The following GTF3C1 variants were observed in gnomAD, a reference collection of about 807,000 sequenced individuals.
GTF3C1 encodes the protein general transcription factor 3C polypeptide 1.
A neutral mutation model predicts 226.7 loss-of-function variants in GTF3C1; 57 were observed. The observed-to-expected ratio is 0.25, with a 90% CI of 0.20 to 0.31. GTF3C1 has a LOEUF of 0.31. Ranked by LOEUF, GTF3C1 falls within the 10% of genes least tolerant of loss-of-function variation. The pLI is 1.00. For synonymous variants in GTF3C1, 1,090 were observed against 1,084.8 expected, an observed-to-expected ratio of 1.00 and a Z score of -0.09; for missense variants, 2,217 against 2,776.1, an observed-to-expected ratio of 0.80 and a Z score of 4.53.
intron 29 of GTF3C1, among the ~76,000 whole-genome samples, chr16:27,474,925 C>T (rs2087929907): frequency 6.6e-6 from 1 of 152,254 alleles, no homozygotes; most frequent in African/African-American, 2.4e-5. Context: ...AGAGAACCTC[C>T]AGGTGGTGAT....
At position 27,483,144 on chromosome 16, in the gene GTF3C1, A is replaced by G. The variant is rs1437161068; in HGVS notation, c.4002-19T>C. ...GCACACTCTGCAGGAAGAGGAGACA[A>G]AGCTGAAGTCTGGGAATTGCAATGA... On this transcript the variant is annotated intron_variant, in intron 25 of 36. Coordinates refer to ENST00000356183, the MANE Select transcript of GTF3C1 (RefSeq NM_001520.4). 6.2e-7 allele frequency: 1 copy of G among 1,611,356 alleles called. No homozygotes were observed. The highest frequency in any genetic ancestry group is 1.1e-5 in the South Asian group (1 of 90,940).
At chr16:27,527,973 CAAAA>C (rs34471997) in intron 6 of GTF3C1, among the ~76,000 whole-genome samples, 2 of 127,556 alleles carry the variant, frequency 1.6e-5, no homozygotes. Flanking sequence ...GACCCTGTCT[CAAAA>C]AAAAAAAAAA....
intron 10 of GTF3C1, 128 bp downstream of exon 10, chr16:27,505,771 G>C (rs959642755): frequency 9.2e-5 from 60 of 650,376 alleles, no homozygotes; most frequent in African/African-American, 9.0e-4. Flanking sequence ...GGGAAGCACA[G>C]GCAGGCCTCG....
chr16:27,489,306 T>A, intron 20 of GTF3C1, 128 bp from the exon 21 acceptor site: 1 of 1,031,204 alleles, frequency 9.7e-7, no homozygotes, highest in Non-Finnish European at 1.4e-6. Context: ...ACCCCACAGG[T>A]AGCAATGAAG....
At chr16:27,476,357 G>C (rs907337730) in intron 29 of GTF3C1, 94 bp downstream of exon 29, 20 of 742,258 alleles carry the variant, frequency 2.7e-5, no homozygotes, top group Admixed American at 6.9e-5. Flanking sequence ...CAGCCCAAGA[G>C]CCCACAGCGG....
intron 29 of GTF3C1, among the ~76,000 whole-genome samples, chr16:27,474,358 C>T (rs1171538633): frequency 1.3e-5 from 2 of 152,098 alleles, no homozygotes; most frequent in Non-Finnish European, 2.9e-5. Context: ...AGGAAAAAGC[C>T]GTGGGAATAA....
Position 27,471,650 on chromosome 16 carries a change from C to T in GTF3C1, c.4526+98G>A, listed in dbSNP as rs1054005872. 11 of 967,770 alleles carry T rather than the reference C, an allele frequency of 1.1e-5. No homozygotes were observed. The highest frequency in any genetic ancestry group is 1.8e-5 in the Non-Finnish European group (11 of 622,776). 59.9% of individuals were successfully genotyped at this position (967,770 alleles called of 1,614,324 possible). On this transcript the variant is annotated intron_variant, in intron 30 of 36. Transcript: ENST00000356183. This position sits in a 1 kb window ranked among gnomAD's most constrained non-coding sequence, Gnocchi z 5.0. ...CATGAGGCTGCGAAGGTCCCTGGCT[C>T]CTACACGCTTTCATGGCCACAGTGC... is the stretch of plus-strand genomic sequence containing the variant.
Position 27,495,559 on chromosome 16 carries a change from A to G in GTF3C1, c.2351-67T>C. The G allele has an allele frequency of 6.2e-6, 9 of 1,442,890 alleles. No homozygotes were observed. In the South Asian group the frequency reaches 1.1e-4, roughly 18 times the overall value. 89.4% of individuals were successfully genotyped at this position (1,442,890 alleles called of 1,614,324 possible). On this transcript the variant is annotated intron_variant, in intron 14 of 36. Transcript: ENST00000356183. ...TACTGAATTCAGTTTTAATTCATTA[A>G]AAAATGATTGAGTGCCACTATGTGC...
intron 10 of GTF3C1, among the ~76,000 whole-genome samples, chr16:27,504,890 C>T (rs779058251): frequency 3.3e-5 from 5 of 152,152 alleles, no homozygotes; most frequent in East Asian, 1.9e-4. Flanking sequence ...GAGCTCGTAC[C>T]ACTGCACTCC....
At position 27,493,309 on chromosome 16, in the gene GTF3C1, T is replaced by C; in HGVS notation, c.2779-13A>G. ...CCAGGTTGTCCACCTGAAGAGGTGA[T>C]GTGCAGGTTCAGCTCGCCCTGAGGG... On this transcript the variant is annotated splice_polypyrimidine_tract_variant and intron_variant, in intron 16 of 36. Coordinates refer to ENST00000356183, the MANE Select transcript of GTF3C1 (RefSeq NM_001520.4). The C allele has an allele frequency of 2.1e-6, 3 of 1,436,850 alleles. No homozygotes were observed. The highest frequency in any genetic ancestry group is 1.1e-5 in the South Asian group (1 of 87,662). 89.0% of individuals were successfully genotyped at this position (1,436,850 alleles called of 1,614,324 possible).
At chr16:27,514,437 C>A (rs148041076) in intron 6 of GTF3C1, among the ~76,000 whole-genome samples, 173 of 152,218 alleles carry the variant, frequency 1.1e-3, no homozygotes, top group African/African-American at 4.0e-3. Flanking sequence ...GGCACTGGGA[C>A]AGGGTCACAG....
chr16:27,540,763 G>A (rs1302223257), intron 2 of GTF3C1, among the ~76,000 whole-genome samples: 1 of 152,196 alleles, frequency 6.6e-6, no homozygotes, highest in African/African-American at 2.4e-5. Flanking sequence ...TGTCATAGAT[G>A]AGGAGCCCTA....
intron 27 of GTF3C1, among the ~76,000 whole-genome samples, chr16:27,479,127 C>T (rs563250847): frequency 4.9e-4 from 75 of 152,128 alleles, no homozygotes; most frequent in Non-Finnish European, 3.1e-4. Context: ...GTATTGCCAA[C>T]AAAAGAAGTT....
intron 19 of GTF3C1, among the ~76,000 whole-genome samples, chr16:27,491,293 T>C (rs1948998289): frequency 6.6e-6 from 1 of 152,204 alleles, no homozygotes; most frequent in Admixed American, 6.5e-5. Flanking sequence ...TGAACGTGGC[T>C]TCCTTTCTCT....
At chr16:27,526,621 A>C (rs577161177) in intron 6 of GTF3C1, among the ~76,000 whole-genome samples, 2 of 152,228 alleles carry the variant, frequency 1.3e-5, no homozygotes, top group Non-Finnish European at 2.9e-5. Flanking sequence ...ATCGCCCTTC[A>C]CAGGCACTTA....
At chr16:27,505,504 G>A (rs919734294) in intron 10 of GTF3C1, among the ~76,000 whole-genome samples, 7 of 152,168 alleles carry the variant, frequency 4.6e-5, no homozygotes, top group South Asian at 2.1e-4. Context: ...CAGATATTGC[G>A]AAATGTCTCC....
At chr16:27,517,155 G>A (rs563593246) in intron 6 of GTF3C1, among the ~76,000 whole-genome samples, 3 of 152,336 alleles carry the variant, frequency 2.0e-5, no homozygotes, top group East Asian at 1.9e-4. Context: ...GATTAGGCAG[G>A]TAAACGACGG....
Position 27,471,988 on chromosome 16 carries a change from G to A in GTF3C1, c.4354-68C>T. On this transcript the variant is annotated intron_variant, in intron 29 of 36. Coordinates refer to ENST00000356183, the MANE Select transcript of GTF3C1 (RefSeq NM_001520.4). The surrounding 1 kb of genome is among the most constrained non-coding windows in gnomAD (Gnocchi z 5.0). The stretch of plus-strand genomic sequence containing the variant: ...GCCACGGAGAGGGCTGGGGTATGTG[G>A]AGGCAGAGGCTGCGGCTGATGCTTT... 2.9e-6 allele frequency: 4 copies of A among 1,397,298 alleles called. No individual in the cohort carries two copies. In the Admixed American group the frequency reaches 5.2e-5, roughly 18 times the overall value. The allele number at this position is 1,397,298 out of a possible 1,614,324, so 86.6% of individuals were successfully genotyped here.
intron 1 of GTF3C1, among the ~76,000 whole-genome samples, chr16:27,549,139 C>CAG (rs1303877362): frequency 6.6e-6 from 1 of 152,088 alleles, no homozygotes; most frequent in Non-Finnish European, 1.5e-5. Context: ...GCCTGGGCCA[C>CAG]AGAGAGAGAC....
Sources: gnomAD v4.1 joint callset for allele counts (sites outside exome capture counted in the v4.1 genomes callset) on GRCh38, gnomAD v4.1.1 for gene constraint, Gnocchi (gnomAD v3.1) non-coding constraint, MANE v1.5 for transcripts, NCBI Gene and HGNC (gene_info 2026-07-23, HGNC 2026-07-21) for gene names.